CLIC5: variants seen among roughly 807,000 people sequenced by gnomAD.
CLIC5 encodes the protein chloride intracellular channel protein 5.
CLIC5 carries 20 observed loss-of-function variants against 24.7 expected under a neutral mutation model. The observed-to-expected ratio is 0.81, with a 90% CI of 0.57 to 1.18. The LOEUF is 1.18. Among genes scored for constraint, CLIC5 ranks in the 50% most tolerant of loss-of-function variants. The pLI is 0.00. For synonymous variants in CLIC5, 159 were observed against 135.6 expected (o/e 1.17, Z -1.20); for missense variants, 341 against 326.1 (o/e 1.05, Z -0.35).
upstream of CLIC5, chr6:46,015,941 C>G: frequency 1.0e-6 from 1 of 990,396 alleles, no homozygotes; most frequent in Non-Finnish European, 1.2e-6. Context: ...GCGGGGACAC[C>G]CCGGCAGCTC....
At chr6:46,028,357 A>G (rs1299089752) in intron 1 of CLIC5, among the ~76,000 whole-genome samples, 1 of 152,238 alleles carries the variant, frequency 6.6e-6, no homozygotes, top group African/African-American at 2.4e-5. Context: ...GGGAAGTCCC[A>G]GGTGGTTGGA....
chr6:45,909,431 T>C (rs887741974), intron 5 of CLIC5, among the ~76,000 whole-genome samples: 1 of 152,212 alleles, frequency 6.6e-6, no homozygotes, highest in Non-Finnish European at 1.5e-5. Context: ...TTTGTTTCCA[T>C]GTTTAGAGTC....
At chr6:45,937,166 G>C (rs1763968140) in intron 4 of CLIC5, among the ~76,000 whole-genome samples, 1 of 152,194 alleles carries the variant, frequency 6.6e-6, no homozygotes, top group East Asian at 1.9e-4. Context: ...AGTTTAAAAA[G>C]TAGAAAATAG....
intron 1 of CLIC5, among the ~76,000 whole-genome samples, chr6:45,959,884 A>T (rs1186098804): frequency 6.6e-6 from 1 of 152,168 alleles, no homozygotes; most frequent in African/African-American, 2.4e-5. Context: ...ACATTATATA[A>T]TTTTTAATGC....
chr6:46,124,399 G>C, the CLIC5 span, among the ~76,000 whole-genome samples: 1 of 152,150 alleles, frequency 6.6e-6, no homozygotes, highest in African/African-American at 2.4e-5. Flanking sequence ...GCTGAAACTG[G>C]ATCCCTTCCT....
In CLIC5 at chr6:45,940,812, AGTGTTATACCT is replaced by A. The variant is rs1345183213; in HGVS notation, c.406+724_406+734del. ...CTCCTGGGCCTAACACCGTTCTTCA[AGTGTTATACCT>A]GCTTAATTGGACGGTTCCATTCAAA... On this transcript the variant is annotated intron_variant, in intron 4 of 5. Transcript: ENST00000339561. Among the ~76,000 whole-genome samples, 3 of 152,212 alleles carry A rather than the reference AGTGTTATACCT, an allele frequency of 2.0e-5. No homozygotes were observed. In the East Asian group the frequency reaches 5.8e-4, roughly 29 times the overall value.
intron 1 of CLIC5, among the ~76,000 whole-genome samples, chr6:46,030,283 A>G (rs920307049): frequency 2.0e-5 from 3 of 152,104 alleles, no homozygotes; most frequent in African/African-American, 7.2e-5. Context: ...AACCAAGCCC[A>G]TATTTTTGTT....
chr6:46,033,146 G>A (rs554829160), intron 1 of CLIC5, among the ~76,000 whole-genome samples: 77 of 151,642 alleles, frequency 5.1e-4, no homozygotes, highest in African/African-American at 1.8e-3. Flanking sequence ...GTGCCACCAC[G>A]CCCAGCTAAT....
At position 46,015,765 on chromosome 6, in the gene CLIC5, G is replaced by A; in HGVS notation, c.-223C>T. ...GAGCGAAGCCGGGAGGAGGCGGGGG[G>A]CCACGGGGAAAGCCGGGTTAAGGGA... On this transcript the variant is annotated 5_prime_UTR_variant, in exon 1 of 6. Transcript: ENST00000339561. The A allele has an allele frequency of 8.1e-7, 1 of 1,233,872 alleles. No individual in the cohort carries two copies. The highest frequency in any genetic ancestry group is 1.6e-5 in the African/African-American group (1 of 64,380). 76.4% of individuals were successfully genotyped at this position (1,233,872 alleles called of 1,614,324 possible).
intron 1 of CLIC5, among the ~76,000 whole-genome samples, chr6:45,958,450 A>ACACACACACACACACC (rs1764735709): frequency 7.7e-6 from 1 of 129,196 alleles, no homozygotes; most frequent in African/African-American, 2.9e-5. Flanking sequence ...ATATATATAT[A>ACACACACACACACACC]TATATATATA....
chr6:46,092,396 C>G, the CLIC5 span, among the ~76,000 whole-genome samples: 1 of 150,476 alleles, frequency 6.6e-6, no homozygotes, highest in Admixed American at 6.6e-5. Flanking sequence ...TTTCTCAAGT[C>G]TTCCTCATGA....
chr6:45,887,104 C>T (rs1186221214), intron 6 of CLIC5, among the ~76,000 whole-genome samples: 3 of 152,176 alleles, frequency 2.0e-5, no homozygotes, highest in Admixed American at 6.5e-5. Flanking sequence ...GAATATGTGG[C>T]AACAGGTCAG....
At chr6:45,965,283 G>A (rs1764980663) in intron 1 of CLIC5, among the ~76,000 whole-genome samples, 1 of 152,192 alleles carries the variant, frequency 6.6e-6, no homozygotes, top group African/African-American at 2.4e-5. Context: ...ATGCATGTCT[G>A]TTCTCTATAA....
At chr6:46,006,646 C>T (rs966562157) in intron 1 of CLIC5, among the ~76,000 whole-genome samples, 4 of 151,530 alleles carry the variant, frequency 2.6e-5, no homozygotes, top group Admixed American at 1.3e-4. Context: ...TCACGTGCCT[C>T]ATTCCTCCCT....
intron 1 of CLIC5, among the ~76,000 whole-genome samples, chr6:45,985,178 A>G (rs1024337249): frequency 2.0e-5 from 3 of 152,146 alleles, no homozygotes; most frequent in African/African-American, 7.2e-5. Context: ...GAGAAGAAAG[A>G]GCCTGGCCCC....
upstream of CLIC5, among the ~76,000 whole-genome samples, chr6:46,083,852 T>A (rs371476160): frequency 2.1e-3 from 327 of 152,110 alleles, 6 homozygotes; most frequent in East Asian, 0.032. Context: ...GTCTCGTTGA[T>A]CTGTCTAATG....
At chr6:46,041,094 G>C (rs1216674438) in intron 1 of CLIC5, among the ~76,000 whole-genome samples, 2 of 152,176 alleles carry the variant, frequency 1.3e-5, no homozygotes, top group South Asian at 2.1e-4. Flanking sequence ...ATATTATGTA[G>C]CTATTGAAAG....
intron 1 of CLIC5, among the ~76,000 whole-genome samples, chr6:46,070,730 A>G (rs958325579): frequency 6.6e-6 from 1 of 152,164 alleles, no homozygotes; most frequent in East Asian, 1.9e-4. Flanking sequence ...GAACTATTTA[A>G]AAATTCATAT....
At chr6:45,961,709 AT>A (rs1764847829) in intron 1 of CLIC5, among the ~76,000 whole-genome samples, 1 of 152,098 alleles carries the variant, frequency 6.6e-6, no homozygotes, top group Non-Finnish European at 1.5e-5. Context: ...CAAGACTTCA[AT>A]TAGCAGGGAT....
Sources: gnomAD v4.1 joint callset for allele counts (sites outside exome capture counted in the v4.1 genomes callset) on GRCh38, gnomAD v4.1.1 for gene constraint, MANE v1.5 for transcripts, NCBI Gene and HGNC (gene_info 2026-07-23, HGNC 2026-07-21) for gene names.